Variants in FAM135A observed in about 807,000 individuals in gnomAD.
The protein encoded by FAM135A is family with sequence similarity 135 member A, also known as protein FAM135A.
FAM135A carries 79 observed loss-of-function variants against 146.8 expected under a neutral mutation model. That is an observed-to-expected ratio of 0.54 (90% CI 0.45 to 0.65). The LOEUF (loss-of-function observed/expected upper bound fraction) is 0.65, where lower values mean the gene tolerates loss of function less well. Ranked by LOEUF, FAM135A falls within the 30% of genes least tolerant of loss-of-function variation. FAM135A has a pLI of 0.00. For missense variants in FAM135A, 1,623 were observed against 1,758.2 expected (o/e 0.92, Z 1.38); for synonymous variants, 562 against 603.6 (o/e 0.93, Z 1.01).
At chr6:70,416,984 A>C (rs1269084101) in intron 2 of FAM135A, among the ~76,000 whole-genome samples, 3 of 152,170 alleles carry the variant, frequency 2.0e-5, no homozygotes, top group Non-Finnish European at 4.4e-5. Context: ...TAATGTGCTA[A>C]ATTTAGAAGA....
chr6:70,449,274 C>A (rs1776522432), intron 4 of FAM135A, among the ~76,000 whole-genome samples: 1 of 151,580 alleles, frequency 6.6e-6, no homozygotes, highest in South Asian at 2.1e-4. Context: ...TAAATCTATT[C>A]TTTTAGGAAT....
chr6:70,508,580 G>C (rs1395611683), intron 12 of FAM135A, among the ~76,000 whole-genome samples: 1 of 152,180 alleles, frequency 6.6e-6, no homozygotes, highest in African/African-American at 2.4e-5. Context: ...TTTGTGCTTT[G>C]TGCTAGCATT....
At chr6:70,504,976 G>C (rs1402564141) in intron 12 of FAM135A, 1 of 151,252 alleles carries the variant, frequency 6.6e-6, no homozygotes, top group Non-Finnish European at 1.5e-5. Context: ...AAAAAAAAAG[G>C]TAGTGCAGAG....
intron 12 of FAM135A, among the ~76,000 whole-genome samples, chr6:70,519,238 G>A (rs1792999917): frequency 6.6e-6 from 1 of 152,168 alleles, no homozygotes; most frequent in Non-Finnish European, 1.5e-5. Context: ...ATTAGAAGTG[G>A]AGCCTGAAGA....
intron 10 of FAM135A, among the ~76,000 whole-genome samples, chr6:70,483,656 C>CA (rs1383659551): frequency 3.9e-5 from 6 of 152,054 alleles, no homozygotes; most frequent in African/African-American, 1.4e-4. Context: ...GTTTGGAAAT[C>CA]AAAAACAAAT....
chr6:70,507,079 T>G (rs189980204), intron 12 of FAM135A, among the ~76,000 whole-genome samples: 1 of 152,186 alleles, frequency 6.6e-6, no homozygotes, highest in Admixed American at 6.5e-5. Flanking sequence ...AGATAAACTT[T>G]GGAATTTTAC....
intron 4 of FAM135A, among the ~76,000 whole-genome samples, chr6:70,431,987 C>A (rs34798144): frequency 6.6e-6 from 1 of 151,872 alleles, no homozygotes; most frequent in East Asian, 1.9e-4. Context: ...CCAAGTAAAA[C>A]AGTGTTACTC....
chr6:70,555,562 G>A (rs1452880460), intron 20 of FAM135A, among the ~76,000 whole-genome samples: 2 of 149,720 alleles, frequency 1.3e-5, no homozygotes, highest in Non-Finnish European at 3.0e-5. Flanking sequence ...CTGGAAATCA[G>A]TTTTCTTAAA....
chr6:70,463,587 GC>G (rs1453016676), intron 5 of FAM135A, among the ~76,000 whole-genome samples: 2 of 151,810 alleles, frequency 1.3e-5, no homozygotes, highest in Non-Finnish European at 2.9e-5. Flanking sequence ...ACCTCTTTTA[GC>G]TTATGTTGTT....
chr6:70,440,050 G>A (rs910368103), intron 4 of FAM135A, among the ~76,000 whole-genome samples: 5 of 152,120 alleles, frequency 3.3e-5, no homozygotes, highest in African/African-American at 1.2e-4. Context: ...TCTCATAAGT[G>A]TGTTCTTAAT....
At chr6:70,462,391 A>G (rs571668047) in intron 5 of FAM135A, among the ~76,000 whole-genome samples, 35 of 152,280 alleles carry the variant, frequency 2.3e-4, no homozygotes, top group African/African-American at 8.4e-4. Context: ...TCCCTACAAT[A>G]TAAGGTTGCC....
intron 11 of FAM135A, among the ~76,000 whole-genome samples, chr6:70,498,142 C>T (rs747172880): frequency 8.5e-5 from 13 of 152,182 alleles, no homozygotes; most frequent in Non-Finnish European, 1.9e-4. Flanking sequence ...ATTACTGCCT[C>T]AATTTCAGAC....
intron 2 of FAM135A, among the ~76,000 whole-genome samples, chr6:70,419,954 C>T (rs1283526421): frequency 1.3e-5 from 2 of 152,082 alleles, no homozygotes; most frequent in Non-Finnish European, 2.9e-5. Flanking sequence ...AACATGAGGC[C>T]TAAGGGATTT....
chr6:70,515,930 ATAAAG>A (rs1467955773), intron 12 of FAM135A, among the ~76,000 whole-genome samples: 1 of 152,098 alleles, frequency 6.6e-6, no homozygotes, highest in African/African-American at 2.4e-5. Flanking sequence ...TAAAAAAAAA[ATAAAG>A]TAACTTTTTA....
intron 4 of FAM135A, among the ~76,000 whole-genome samples, chr6:70,448,890 G>A (rs1399350168): frequency 6.6e-6 from 1 of 152,178 alleles, no homozygotes; most frequent in Non-Finnish European, 1.5e-5. Context: ...GCAGTTTTCT[G>A]CCCTGGGTGG....
At position 70,434,409 on chromosome 6, in the gene FAM135A, A is replaced by G. The variant is rs966401935; in HGVS notation, c.77+5990A>G. ...GCTTTAGGTCAGTGCTATTCTCAGT[A>G]GCTTGTCTGCAGATGGTTTGTGACT... On this transcript the variant is annotated intron_variant, in intron 4 of 21. Transcript: ENST00000418814. Among the ~76,000 whole-genome samples, 145 of 152,224 alleles carry G rather than the reference A, an allele frequency of 9.5e-4. 8 individuals carry two copies. The highest frequency in any genetic ancestry group is 2.9e-5 in the Non-Finnish European group (2 of 68,038).
chr6:70,444,750 T>C (rs1775327294), intron 4 of FAM135A, among the ~76,000 whole-genome samples: 1 of 152,212 alleles, frequency 6.6e-6, no homozygotes, highest in Admixed American at 6.5e-5. Context: ...TTCTAACACC[T>C]ATCACATAGA....
chr6:70,468,813 T>C lies in FAM135A; in HGVS notation c.158-6597T>C, dbSNP rs183529945. Among the ~76,000 whole-genome samples the C allele has an allele frequency of 7.2e-5, 11 of 152,308 alleles. No homozygotes were observed. The East Asian group carries it at 2.1e-3, about 29-fold the overall frequency. ...AGTATTCAATATGCCTATGCTCGTA[T>C]ATTCATGCTCTCTCAGTTTTGCCAG... On this transcript the variant is annotated intron_variant, in intron 5 of 21. Coordinates refer to ENST00000418814, the MANE Select transcript of FAM135A (RefSeq NM_001162529.3).
intron 4 of FAM135A, among the ~76,000 whole-genome samples, chr6:70,441,668 G>C (rs1774506710): frequency 6.6e-6 from 1 of 151,144 alleles, no homozygotes; most frequent in African/African-American, 2.4e-5. Flanking sequence ...AGTCCTTTCA[G>C]TTAACAGCAT....
Sources: gnomAD v4.1 joint callset for allele counts (sites outside exome capture counted in the v4.1 genomes callset) on GRCh38, gnomAD v4.1.1 for gene constraint, MANE v1.5 for transcripts, NCBI Gene and HGNC (gene_info 2026-07-23, HGNC 2026-07-21) for gene names.